Variants in ATAD2 observed in about 807,000 individuals in gnomAD.
ATAD2 encodes the protein ATPase family AAA domain-containing protein 2.
Under a neutral mutation model 168.9 loss-of-function variants are expected in ATAD2, and 62 were observed. That is an observed-to-expected ratio of 0.37 (90% CI 0.30 to 0.45). The LOEUF (loss-of-function observed/expected upper bound fraction) is 0.45, where lower values mean the gene tolerates loss of function less well. Ranked by LOEUF, ATAD2 falls within the 20% of genes least tolerant of loss-of-function variation. The pLI, the probability that ATAD2 is intolerant of heterozygous loss-of-function variation, is 1.00. For synonymous variants in ATAD2, 613 were observed against 571.6 expected (o/e 1.07, Z -1.03); for missense variants, 1,419 against 1,667.8 (o/e 0.85, Z 2.60).
Position 123,333,936 on chromosome 8 carries a change from G to C in ATAD2, c.3420C>G (p.Asp1140Glu). 1 of 1,614,118 alleles carries C rather than the reference G, an allele frequency of 6.2e-7. No homozygotes were observed. The highest frequency in any genetic ancestry group is 8.5e-7 in the Non-Finnish European group (1 of 1,180,010). ...NSTLVGDKRS[D>E]PEQNEKLKTP... ...TCTTTAGCTTTTCATTCTGCTCTGG[G>C]TCTGATCTTTTATCACCAACAAGAG... is the stretch of plus-strand genomic sequence containing the variant. Residue 1140 changes from aspartate to glutamate, a missense_variant, in exon 24 of 28, where the codon GAC becomes GAG. By Grantham distance (45) the Asp-to-Glu change is conservative (BLOSUM62 2). This residue lies in a region of ATAD2 where 303 missense variants were observed against 304.3 expected (regional missense o/e 1.00). Transcript: ENST00000287394.
At chr8:123,408,376 A>G (rs947737206) in intron 1 of ATAD2, among the ~76,000 whole-genome samples, 3 of 152,180 alleles carry the variant, frequency 2.0e-5, no homozygotes, top group African/African-American at 4.8e-5. Flanking sequence ...GGACCAGCCA[A>G]TGGGCTGCTC....
At chr8:123,401,304 G>A (rs540746220), upstream of ATAD2, 3 of 1,277,320 alleles carry the variant, frequency 2.3e-6, no homozygotes, top group Non-Finnish European at 3.4e-6. Flanking sequence ...ATGAGCAGCT[G>A]CTGTGTGGGG....
intron 1 of ATAD2, among the ~76,000 whole-genome samples, chr8:123,395,452 G>T (rs1322975301): frequency 2.0e-5 from 3 of 152,176 alleles, no homozygotes; most frequent in Non-Finnish European, 2.9e-5. Context: ...GACACTGCTT[G>T]TAACTGCAGC....
intron 19 of ATAD2, chr8:123,342,641 T>C (rs1828096709): frequency 6.6e-6 from 1 of 152,176 alleles, no homozygotes; most frequent in African/African-American, 2.4e-5. Flanking sequence ...TTAACTAAAC[T>C]GGAAACCTTT....
intron 1 of ATAD2, among the ~76,000 whole-genome samples, chr8:123,389,985 T>TATATATATATATATATATATATA (rs1554647643): frequency 5.6e-5 from 4 of 70,812 alleles, no homozygotes; most frequent in Non-Finnish European, 8.2e-5. Context: ...TATATATATA[T>TATATATATATATATATATATATA]TTTTTTTTTT....
chr8:123,414,623 C>G (rs1813212688), intron 1 of ATAD2, among the ~76,000 whole-genome samples: 1 of 152,096 alleles, frequency 6.6e-6, no homozygotes, highest in African/African-American at 2.4e-5. Context: ...GACCCTGTCC[C>G]CCACCAAAAA....
At position 123,389,980 on chromosome 8, in the gene ATAD2, ATATATTTTTTTT is replaced by A. The variant is rs1164484279; in HGVS notation, c.171+6195_171+6206del. Reference sequence around the variant, plus strand: ...TTATTTTATATATATATATATATATATATATTTTTTTTTTTTTAGACAGAGTCTTGCTCTCTT... The same window carrying A: ...TTATTTTATATATATATATATATATATTTTTAGACAGAGTCTTGCTCTCTT... On this transcript the variant is annotated intron_variant, in intron 1 of 27. Transcript: ENST00000287394. 1.6e-3 allele frequency among the ~76,000 whole-genome samples: 180 copies of A among 110,778 alleles called. 1 individual carries two copies. Among genetic ancestry groups the A allele is most frequent in the African/African-American group, 8.7e-3 (174 of 19,936 alleles). 72.7% of individuals were successfully genotyped at this position (110,778 alleles called of 152,430 possible).
At chr8:123,373,519 T>C (rs1275573459) in intron 2 of ATAD2, among the ~76,000 whole-genome samples, 1 of 152,100 alleles carries the variant, frequency 6.6e-6, no homozygotes, top group Admixed American at 6.6e-5. Flanking sequence ...CCAGGCACAG[T>C]AGTTCACACC....
intron 22 of ATAD2, among the ~76,000 whole-genome samples, chr8:123,335,017 G>A (rs1827877921): frequency 6.6e-6 from 1 of 152,162 alleles, no homozygotes; most frequent in Non-Finnish European, 1.5e-5. Context: ...TCAGCAGCCT[G>A]TGTCACCGGG....
intron 1 of ATAD2, among the ~76,000 whole-genome samples, chr8:123,410,814 C>T (rs1188008586): frequency 6.6e-6 from 1 of 152,236 alleles, no homozygotes; most frequent in Non-Finnish European, 1.5e-5. Context: ...ACTTCTATCC[C>T]TCCAGATCCG....
At chr8:123,337,381 A>T (rs931927583) in intron 21 of ATAD2, among the ~76,000 whole-genome samples, 2 of 152,120 alleles carry the variant, frequency 1.3e-5, no homozygotes, top group African/African-American at 4.8e-5. Context: ...AAAAATAATA[A>T]GACATTCTCA....
intron 1 of ATAD2, among the ~76,000 whole-genome samples, chr8:123,413,519 C>T (rs571593538): frequency 6.6e-5 from 10 of 152,272 alleles, no homozygotes; most frequent in Admixed American, 3.9e-4. Context: ...AAGAAACTGA[C>T]GCTCAGAAAT....
At chr8:123,378,683 C>T (rs1460007601) in intron 2 of ATAD2, among the ~76,000 whole-genome samples, 5 of 84,648 alleles carry the variant, frequency 5.9e-5, no homozygotes, top group African/African-American at 2.6e-4. Context: ...GCATGGGCAA[C>T]AGAGCAAGAC....
At chr8:123,349,206 A>G (rs1828366760) in intron 14 of ATAD2, 79 bp downstream of exon 14, 1 of 1,434,590 alleles carries the variant, frequency 7.0e-7, no homozygotes, top group Non-Finnish European at 9.4e-7. Flanking sequence ...AAGAATCTCC[A>G]AATTTTTACT....
intron 1 of ATAD2, among the ~76,000 whole-genome samples, chr8:123,390,364 T>A (rs527719118): frequency 2.6e-5 from 4 of 152,236 alleles, no homozygotes; most frequent in African/African-American, 7.2e-5. Flanking sequence ...TCTCATCAGA[T>A]CCCTGTTCTA....
chr8:123,347,165 AAC>A lies in ATAD2; in HGVS notation c.2137_2138del (p.Val713Ter). The A allele has an allele frequency of 6.2e-7, 1 of 1,614,184 alleles. No homozygotes were observed. Among genetic ancestry groups the A allele is most frequent in the Non-Finnish European group, 8.5e-7 (1 of 1,180,032 alleles). ...TCTGCAGGGCTTCTAAAATCTTGTCAACAGTGTTTTGCAGGAGTGGTTTCACA... is the reference window on the plus strand; with the variant it reads ...TCTGCAGGGCTTCTAAAATCTTGTCAAGTGTTTTGCAGGAGTGGTTTCACA... Reference protein sequence around the residue: ...TVVKPLLQNTVDKILEALQRV... With the variant: ...TVVKPLLQNTXDKILEALQRV... On this transcript the variant is annotated frameshift_variant, in exon 16 of 28. Coordinates refer to ENST00000287394, the MANE Select transcript of ATAD2 (RefSeq NM_014109.4). LOFTEE classifies it high-confidence loss of function.
chr8:123,328,288 T>A lies in ATAD2; in HGVS notation c.3770A>T (p.Lys1257Met). 6.2e-7 allele frequency: 1 copy of A among 1,600,702 alleles called. No homozygotes were observed. Among genetic ancestry groups the A allele is most frequent in the Admixed American group, 1.7e-5 (1 of 57,922 alleles). The change falls in exon 25 of 28, where the codon AAG becomes ATG. Residue 1257 changes from lysine (K) to methionine (M), a missense_variant. Around this residue, in one of 5 missense-constraint regions of ATAD2, gnomAD observed 303 missense variants for 304.3 expected, o/e 1.00. Transcript: ENST00000287394. ...TCTCAATTCTGTACATGCTGTAGTC[T>A]TCCTAGAGTCTTCAAGCTCATTCTC... ...NIENELEDSRKTTACTELRDK... is the reference protein window; with the variant it reads ...NIENELEDSRMTTACTELRDK...
intron 8 of ATAD2, 34 bp downstream of exon 8, chr8:123,369,024 T>C (rs1435315089): frequency 7.0e-6 from 9 of 1,294,026 alleles, no homozygotes; most frequent in Non-Finnish European, 8.6e-6. Flanking sequence ...AACAATTATG[T>C]TGTCATAAAT....
chr8:123,370,961 T>G lies in ATAD2; in HGVS notation c.669A>C (p.Lys223Asn), dbSNP rs752928246. Residue 223 changes from lysine (K) to asparagine (N), a missense_variant, in exon 6 of 28, where the codon AAA becomes AAC. Physicochemically the swap from Lys to Asn is moderately conservative, Grantham distance 94. Around this residue, in one of 5 missense-constraint regions of ATAD2, gnomAD observed 419 missense variants for 423.5 expected, o/e 0.99. Coordinates refer to ENST00000287394, the MANE Select transcript of ATAD2 (RefSeq NM_014109.4). Reference protein sequence around the residue: ...ESNLNMYTRGKQKDIQRTDEE... With the variant: ...ESNLNMYTRGNQKDIQRTDEE... ...CATCAGTTCTTTGAATATCTTTCTG[T>G]TTTCCTCTTGTGTACATATTAAGAT... 1 of 1,606,532 alleles carries G rather than the reference T, an allele frequency of 6.2e-7. No homozygotes were observed. The highest frequency in any genetic ancestry group is 8.5e-7 in the Non-Finnish European group (1 of 1,175,452).
Sources: gnomAD v4.1 joint callset for allele counts (sites outside exome capture counted in the v4.1 genomes callset) on GRCh38, gnomAD v4.1.1 for gene constraint, gnomAD v4.1.1 regional missense constraint, MANE v1.5 for transcripts, NCBI Gene and HGNC (gene_info 2026-07-23, HGNC 2026-07-21) for gene names.